The following DNAH2 variants were observed in gnomAD, a reference collection of about 807,000 sequenced individuals.
DNAH2 encodes dynein axonemal heavy chain 2.
A neutral mutation model predicts 523.5 loss-of-function variants in DNAH2; 323 were observed. The ratio of observed to expected loss-of-function variants is 0.62; its 90% CI spans 0.56 to 0.68. DNAH2 has a LOEUF of 0.68. Ranked by LOEUF, DNAH2 falls within the 30% of genes least tolerant of loss-of-function variation. The pLI is 0.00. For missense variants in DNAH2, 4,907 were observed against 5,701.5 expected, an observed-to-expected ratio of 0.86 and a Z score of 4.49; for synonymous variants, 2,093 against 2,177.4, an observed-to-expected ratio of 0.96 and a Z score of 1.08.
rs2076076580 is a variant in DNAH2, at chr17:7,763,859, A to G, written c.3007A>G (p.Lys1003Glu). 1 of 1,614,056 alleles carries G rather than the reference A, an allele frequency of 6.2e-7. No individual in the cohort carries two copies. Among genetic ancestry groups the G allele is most frequent in the African/African-American group, 1.3e-5 (1 of 74,924 alleles). ...CACGGAAGTTGCTAATAACGTGCAG[A>G]AGGAGGAGACAGTCACCAACATCCA... ...RYTEVANNVQ[K>E]EETVTNIQFV... The change falls in exon 19 of 86, where the codon AAG becomes GAG. Residue 1003 changes from lysine (K) to glutamate (E), a missense_variant. Lys to Glu is a moderately conservative substitution (Grantham distance 56). This residue lies in a region of DNAH2 where 2,806 missense variants were observed against 3,190.8 expected (regional missense o/e 0.88). Transcript: ENST00000572933.
At chr17:7,719,642 C>G in intron 1 of DNAH2, 79 bp from the exon 2 acceptor site, 1 of 1,548,302 alleles carries the variant, frequency 6.5e-7, no homozygotes, top group South Asian at 1.1e-5. Context: ...TTTATGAATT[C>G]AAAAGGGACT....
At chr17:7,794,119 C>T (rs2076997717) in intron 48 of DNAH2, 135 bp from the exon 49 acceptor site, 2 of 549,376 alleles carry the variant, frequency 3.6e-6, no homozygotes, top group South Asian at 5.5e-5. Flanking sequence ...TCTCAACTCG[C>T]TGCATCCCGG....
intron 58 of DNAH2, among the ~76,000 whole-genome samples, chr17:7,802,894 A>G (rs1232126147): frequency 2.0e-5 from 3 of 149,534 alleles, no homozygotes; most frequent in Non-Finnish European, 4.4e-5. Flanking sequence ...GCTGTTCTTG[A>G]ACTCCTGACC....
chr17:7,798,213 A>G lies in DNAH2; in HGVS notation c.8287A>G (p.Ile2763Val). ...TCGGGGCAACATGCTCCTGGTGGGT[A>G]TCGGGGGCAGCGGACGCCAGAGTCT... ...QPRGNMLLVG[I>V]GGSGRQSLAR... The change falls in exon 54 of 86, where the codon ATC becomes GTC. Residue 2763 changes from isoleucine (I) to valine (V), a missense_variant. Physicochemically the swap from Ile to Val is conservative, Grantham distance 29. Coordinates refer to ENST00000572933, the MANE Select transcript of DNAH2 (RefSeq NM_020877.5). This position sits in a 1 kb window ranked among gnomAD's most constrained non-coding sequence, Gnocchi z 5.5. 1 of 1,613,502 alleles carries G rather than the reference A, an allele frequency of 6.2e-7. No homozygotes were observed. The highest frequency in any genetic ancestry group is 8.5e-7 in the Non-Finnish European group (1 of 1,179,530).
At chr17:7,826,485 A>G (rs2078021522) in intron 77 of DNAH2, among the ~76,000 whole-genome samples, 1 of 151,456 alleles carries the variant, frequency 6.6e-6, no homozygotes, top group African/African-American at 2.4e-5. Flanking sequence ...TATAAAATAT[A>G]TGCAAGTTAT....
In DNAH2 at chr17:7,831,302, C is replaced by T. The variant is rs760953557; in HGVS notation, c.12447C>T (p.Thr4149=). 1 of 1,614,008 alleles carries T rather than the reference C, an allele frequency of 6.2e-7. No individual in the cohort carries two copies. Among genetic ancestry groups the T allele is most frequent in the Admixed American group, 1.7e-5 (1 of 60,018 alleles). ...CACCCACCAGGGCTGGAGGCCAGAC[C>T]CGGGAAGAGAAGGTAAAAAGAGCCG... ...QITPTRAGGQ[T]REEKVLELAA... is the part of the protein sequence containing the mutation. Residue 4149 remains threonine (T), a synonymous_variant, in exon 80 of 86, where the codon ACC becomes ACT. Coordinates refer to ENST00000572933, the MANE Select transcript of DNAH2 (RefSeq NM_020877.5). The surrounding 1 kb of genome is among the most constrained non-coding windows in gnomAD (Gnocchi z 4.2).
In DNAH2 at chr17:7,817,344, T is replaced by C; in HGVS notation, c.9949T>C (p.Phe3317Leu). Residue 3317 changes from phenylalanine to leucine, a missense_variant, in exon 65 of 86, where the codon TTC becomes CTC. Physicochemically the swap from Phe to Leu is conservative, Grantham distance 22. Transcript: ENST00000572933. ...GGGGGACTGTCTCCTGGCAGCTGCC[T>C]TCCTGTCCTACATGGGACCCTTCCT... ...LVGDCLLAAA[F>L]LSYMGPFLTN... The C allele has an allele frequency of 6.2e-7, 1 of 1,609,616 alleles. No individual in the cohort carries two copies. Among genetic ancestry groups the C allele is most frequent in the Non-Finnish European group, 8.5e-7 (1 of 1,178,794 alleles).
At position 7,742,995 on chromosome 17, in the gene DNAH2, A is replaced by C. The variant is rs2075397967; in HGVS notation, c.1757A>C (p.Gln586Pro). Reference protein sequence around the residue: ...TGKESVHTYQQMVQAIDELVR... With the variant: ...TGKESVHTYQPMVQAIDELVR... Reference sequence around the variant, plus strand: ...AAGGAGAGTGTGCACACCTATCAGCAGATGGTCCAGGCCATTGATGAGCTG... The same window carrying C: ...AAGGAGAGTGTGCACACCTATCAGCCGATGGTCCAGGCCATTGATGAGCTG... Residue 586 changes from glutamine (Q) to proline (P), a missense_variant, in exon 12 of 86, where the codon CAG becomes CCG. Transcript: ENST00000572933. The C allele has an allele frequency of 3.3e-6, 5 of 1,515,874 alleles. No homozygotes were observed. Among genetic ancestry groups the C allele is most frequent in the Non-Finnish European group, 3.5e-6 (4 of 1,135,256 alleles). 93.9% of individuals were successfully genotyped at this position (1,515,874 alleles called of 1,614,324 possible).
chr17:7,784,729 A>G lies in DNAH2; in HGVS notation c.6130-1395A>G, dbSNP rs183902377. On this transcript the variant is annotated intron_variant, in intron 39 of 85. Transcript: ENST00000572933. ...TCACAGTGATAACTCTACTGCTATC[A>G]GGCAAAGCAGACTTTATGGCAAGAA... 4.8e-4 allele frequency among the ~76,000 whole-genome samples: 73 copies of G among 152,352 alleles called. No homozygotes were observed. In the East Asian group the frequency reaches 0.01, roughly 21 times the overall value.
intron 74 of DNAH2, 46 bp downstream of exon 74, chr17:7,823,674 T>C: frequency 6.2e-7 from 1 of 1,601,316 alleles, no homozygotes; most frequent in Non-Finnish European, 8.5e-7. Flanking sequence ...CTTCCCTCCA[T>C]TCAGCCACAT....
chr17:7,720,476 G>A (rs1022407402), intron 2 of DNAH2, among the ~76,000 whole-genome samples: 6 of 152,148 alleles, frequency 3.9e-5, no homozygotes, highest in Admixed American at 6.6e-5. Flanking sequence ...AGAGTTTAAC[G>A]AGGCAGCCTC....
At chr17:7,784,781 T>A (rs2076691010) in intron 39 of DNAH2, among the ~76,000 whole-genome samples, 1 of 152,150 alleles carries the variant, frequency 6.6e-6, no homozygotes, top group Non-Finnish European at 1.5e-5. Flanking sequence ...AGAGTGACAT[T>A]TCATAATGAT....
chr17:7,762,359 G>A (rs1180296148), intron 18 of DNAH2, among the ~76,000 whole-genome samples: 4 of 141,964 alleles, frequency 2.8e-5, no homozygotes, highest in Admixed American at 7.2e-5. Flanking sequence ...TTTTTGAGAC[G>A]GAGTCTCACT....
rs550941238 is a variant in DNAH2 at position 7,754,375 on chromosome 17, C to T, written c.1905-2716C>T. ...TTCCGGTTCTAGGTGCTTCAGGAGC[C>T]GTGGCTTAAGGTGCAGACATGGCCA... On this transcript the variant is annotated intron_variant, in intron 12 of 85. Coordinates refer to ENST00000572933, the MANE Select transcript of DNAH2 (RefSeq NM_020877.5). The surrounding 1 kb of genome is among the most constrained non-coding windows in gnomAD (Gnocchi z 4.6). The T allele has an allele frequency of 2.2e-5, 11 of 507,618 alleles. No homozygotes were observed. The highest frequency in any genetic ancestry group is 7.4e-5 in the South Asian group (2 of 26,962). The allele number at this position is 507,618 out of a possible 1,614,324, so 31.4% of individuals were successfully genotyped here.
intron 12 of DNAH2, among the ~76,000 whole-genome samples, chr17:7,753,764 A>C (rs1406764404): frequency 6.6e-6 from 1 of 150,644 alleles, no homozygotes; most frequent in South Asian, 2.1e-4. Context: ...CCTGGCCAAC[A>C]TGACGAAACC....
At chr17:7,763,307 T>C (rs7222010) in intron 18 of DNAH2, among the ~76,000 whole-genome samples, 2,797 of 152,238 alleles carry the variant, frequency 0.018, 100 homozygotes, top group African/African-American at 0.061. Context: ...TACAGGCGCC[T>C]GCCACCGCAC....
rs2078260141 is a variant in DNAH2, at chr17:7,833,624, T to G, written c.*91T>G. 2 of 1,570,958 alleles carry G rather than the reference T, an allele frequency of 1.3e-6. No individual in the cohort carries two copies. Among genetic ancestry groups the G allele is most frequent in the Non-Finnish European group, 1.7e-6 (2 of 1,158,784 alleles). ...ACCTAGGACTGAGGCCGGACCTCAC[T>G]CAGACTTTGACCTTGGCCGAATTTG... On this transcript the variant is annotated 3_prime_UTR_variant, in exon 86 of 86. Coordinates refer to ENST00000572933, the MANE Select transcript of DNAH2 (RefSeq NM_020877.5).
In DNAH2 at chr17:7,828,559, A is replaced by G. The variant is rs757264619; in HGVS notation, c.11854-1741A>G. 9.2e-5 allele frequency among the ~76,000 whole-genome samples: 14 copies of G among 152,228 alleles called. No homozygotes were observed. The highest frequency in any genetic ancestry group is 1.9e-4 in the Non-Finnish European group (13 of 68,036). On this transcript the variant is annotated intron_variant, in intron 77 of 85. Coordinates refer to ENST00000572933, the MANE Select transcript of DNAH2 (RefSeq NM_020877.5). This position sits in a 1 kb window ranked among gnomAD's most constrained non-coding sequence, Gnocchi z 4.1. ...GCGGGTGGCATGAGCCACTGTTCCC[A>G]GCCTCCATTTATTATTTATTTTAAT...
rs767907430 is a variant in DNAH2, at chr17:7,786,630, A to T, written c.6409A>T (p.Ser2137Cys). 7.4e-6 allele frequency: 12 copies of T among 1,614,150 alleles called. No homozygotes were observed. Among genetic ancestry groups the T allele is most frequent in the Non-Finnish European group, 9.3e-6 (11 of 1,180,046 alleles). Residue 2137 changes from serine to cysteine, a missense_variant, in exon 41 of 86, where the codon AGC (serine) becomes TGC (cysteine). Ser to Cys is a moderately radical substitution (Grantham distance 112). Transcript: ENST00000572933. The surrounding 1 kb of genome is among the most constrained non-coding windows in gnomAD (Gnocchi z 7.5). ...GGAACTGTATGGGGAATATGACCTC[A>T]GCACCAATGAATGGACAGATGGCAT... ...LGELYGEYDL[S>C]TNEWTDGILS... is the part of the protein sequence containing the mutation.
Sources: allele counts gnomAD v4.1 joint callset (sites outside exome capture counted in the v4.1 genomes callset), GRCh38; gene constraint gnomAD v4.1.1; regional missense constraint gnomAD v4.1.1; non-coding constraint Gnocchi (gnomAD v3.1); transcripts MANE v1.5; gene names NCBI Gene and HGNC (gene_info 2026-07-23, HGNC 2026-07-21).